Variants in CHCT1 observed in about 807,000 individuals in gnomAD.
CHCT1 encodes CHD1 helical C-terminal domain containing protein 1.
the CHCT1 span, chr17:60,422,634 A>G: frequency 4.5e-6 from 7 of 1,549,914 alleles, no homozygotes; most frequent in South Asian, 8.3e-5. Context: ...GGGACAAGCC[A>G]CTAGAGCAGG....
At chr17:60,425,341 C>G in the CHCT1 span, among the ~76,000 whole-genome samples, 3 of 152,298 alleles carry the variant, frequency 2.0e-5, no homozygotes, top group East Asian at 1.9e-4. Flanking sequence ...GCCACCATGC[C>G]CAGCTAATTT....
the CHCT1 span, chr17:60,421,511 G>C: frequency 1.0e-6 from 1 of 985,476 alleles, no homozygotes; most frequent in Non-Finnish European, 1.2e-6. Context: ...AACTGGGCCC[G>C]GGCCCAGAGG....
At chr17:60,422,433 G>A in the CHCT1 span, 6 of 1,490,058 alleles carry the variant, frequency 4.0e-6, no homozygotes, top group Middle Eastern at 4.9e-4. Context: ...GGAGCGGGGT[G>A]GGGGGCTGGG....
the CHCT1 span, among the ~76,000 whole-genome samples, chr17:60,430,746 G>T: frequency 6.6e-6 from 1 of 152,230 alleles, no homozygotes; most frequent in Non-Finnish European, 1.5e-5. Context: ...TTCCCGAAGT[G>T]CTGGGATTAC....
chr17:60,423,326 G>A, the CHCT1 span, among the ~76,000 whole-genome samples: 2 of 151,904 alleles, frequency 1.3e-5, no homozygotes, highest in Non-Finnish European at 2.9e-5. Flanking sequence ...CTGAGTAGAT[G>A]GGATTACAGG....
chr17:60,423,076 A>G, the CHCT1 span, among the ~76,000 whole-genome samples: 1 of 152,158 alleles, frequency 6.6e-6, no homozygotes, highest in South Asian at 2.1e-4. Flanking sequence ...AACACAGACT[A>G]GAATTCATAC....
At chr17:60,429,518 C>G in the CHCT1 span, 4 of 1,614,220 alleles carry the variant, frequency 2.5e-6, no homozygotes, top group Middle Eastern at 3.3e-4. Context: ...AGGGAGCCCC[C>G]TGCCTGGGCA....
the CHCT1 span, chr17:60,431,344 T>C: frequency 9.9e-7 from 1 of 1,013,022 alleles, no homozygotes; most frequent in Non-Finnish European, 1.5e-6. Context: ...GGGAAAAGAA[T>C]TGTCCTTATC....
chr17:60,421,586 GAAA>G, the CHCT1 span: 7 of 984,682 alleles, frequency 7.1e-6, 1 homozygote, highest in African/African-American at 1.7e-5. Flanking sequence ...CTCGAGTGAG[GAAA>G]CTGCGGGGGC....
the CHCT1 span, among the ~76,000 whole-genome samples, chr17:60,429,849 G>A: frequency 1.3e-5 from 2 of 151,536 alleles, no homozygotes; most frequent in Non-Finnish European, 2.9e-5. Context: ...TTTCCAGACG[G>A]AGTCTCGCTC....
the CHCT1 span, chr17:60,426,420 C>T: frequency 7.3e-7 from 1 of 1,369,206 alleles, no homozygotes; most frequent in South Asian, 1.5e-5. Flanking sequence ...AGTCAATCCC[C>T]CAGTCCTTCA....
chr17:60,429,587 C>G, the CHCT1 span: 1 of 1,601,158 alleles, frequency 6.2e-7, no homozygotes, highest in African/African-American at 1.3e-5. Context: ...GGGGTGATGC[C>G]TGGACCCAGG....
At chr17:60,426,128 C>T in the CHCT1 span, 1 of 1,545,948 alleles carries the variant, frequency 6.5e-7, no homozygotes, top group East Asian at 2.4e-5. Context: ...TCTTTTCTCC[C>T]ATGGCCCCTC....
chr17:60,430,212 T>C, the CHCT1 span, among the ~76,000 whole-genome samples: 1 of 151,260 alleles, frequency 6.6e-6, no homozygotes, highest in South Asian at 2.1e-4. Flanking sequence ...TCCTGATTTA[T>C]TCCCTATTGC....
the CHCT1 span, chr17:60,426,748 G>C: frequency 5.0e-6 from 8 of 1,611,180 alleles, no homozygotes; most frequent in Middle Eastern, 1.6e-4. Context: ...CCCTCTTCTC[G>C]GAGCTGGAAG....
the CHCT1 span, among the ~76,000 whole-genome samples, chr17:60,429,983 C>A: frequency 6.6e-6 from 1 of 151,832 alleles, no homozygotes; most frequent in Admixed American, 6.6e-5. Flanking sequence ...CATCACCATG[C>A]CTGGCTAATT....
the CHCT1 span, among the ~76,000 whole-genome samples, chr17:60,423,755 T>A: frequency 1.3e-5 from 2 of 152,332 alleles, no homozygotes; most frequent in Non-Finnish European, 2.9e-5. Flanking sequence ...CGTGAGCCAC[T>A]GGGCCTGGCC....
chr17:60,431,105 C>A, the CHCT1 span: 1 of 1,000,802 alleles, frequency 1.0e-6, no homozygotes, highest in Non-Finnish European at 1.5e-6. Flanking sequence ...CCCTACAACA[C>A]CCCCCATGTA....
chr17:60,425,778 C>T, the CHCT1 span: 13 of 1,549,256 alleles, frequency 8.4e-6, no homozygotes, highest in Non-Finnish European at 1.1e-5. Context: ...CCTGCCTCCT[C>T]CTAGGTGACA....
Sources: allele counts gnomAD v4.1 joint callset (sites outside exome capture counted in the v4.1 genomes callset), GRCh38; gene constraint gnomAD v4.1.1; transcripts MANE v1.5; gene names NCBI Gene and HGNC (gene_info 2026-07-23, HGNC 2026-07-21).